CEP63: variants seen among roughly 807,000 people sequenced by gnomAD.
The protein encoded by CEP63 is centrosomal protein 63.
In CEP63, 84 loss-of-function variants were observed where a neutral mutation model predicts 89.1. The observed-to-expected ratio is 0.94, with a 90% CI of 0.79 to 1.13. CEP63 has a LOEUF of 1.13. CEP63 is among the 50% of genes most tolerant of loss of function. CEP63 has a pLI of 0.00. For missense variants in CEP63, 838 were observed against 813.3 expected, an observed-to-expected ratio of 1.03 and a Z score of -0.37; for synonymous variants, 267 against 272.5, an observed-to-expected ratio of 0.98 and a Z score of 0.20.
At chr3:134,589,024 G>T (rs1002220124), downstream of CEP63, among the ~76,000 whole-genome samples, 1 of 152,136 alleles carries the variant, frequency 6.6e-6, no homozygotes, top group Admixed American at 6.6e-5. Flanking sequence ...TAGAAAATCT[G>T]AAGAGTCATA....
At chr3:134,554,120 A>T (rs1196985387) in intron 12 of CEP63, among the ~76,000 whole-genome samples, 1 of 152,074 alleles carries the variant, frequency 6.6e-6, no homozygotes, top group Non-Finnish European at 1.5e-5. Context: ...TTTAGGGTAC[A>T]TGTGCACATT....
At position 134,584,964 on chromosome 3, in the gene CEP63, T is replaced by TGTTTTGTTTTG. The variant is rs755830444; in HGVS notation, c.1207-2494_1207-2493insGTTTTGTTTTG. Among the ~76,000 whole-genome samples the TGTTTTGTTTTG allele has an allele frequency of 5.9e-4, 80 of 135,640 alleles. 2 individuals are homozygous for TGTTTTGTTTTG. Among genetic ancestry groups the TGTTTTGTTTTG allele is most frequent in the South Asian group, 1.7e-3 (7 of 4,146 alleles). 89.0% of individuals were successfully genotyped at this position (135,640 alleles called of 152,430 possible). ...CTTCTAGATTTTCTAGGGTTTTTTT[T>TGTTTTGTTTTG]TTTTTTTTTTGCATGGAGGTGTTTA... On this transcript the variant is annotated intron_variant, in intron 10 of 10. Coordinates refer to the CEP63 transcript ENST00000683931.
At chr3:134,485,962 C>T (rs1202668245), upstream of CEP63, 9 of 979,356 alleles carry the variant, frequency 9.2e-6, no homozygotes, top group Non-Finnish European at 1.1e-5. Flanking sequence ...CGGCACCCGG[C>T]CACCGCGGCA....
At chr3:134,733,220 A>C in the CEP63 span, among the ~76,000 whole-genome samples, 1 of 152,230 alleles carries the variant, frequency 6.6e-6, no homozygotes, top group Non-Finnish European at 1.5e-5. Flanking sequence ...AGACTGAATA[A>C]TAATAAGTGC....
intron 12 of CEP63, chr3:134,553,048 C>T (rs1358984827): frequency 6.6e-6 from 1 of 152,158 alleles, no homozygotes; most frequent in Non-Finnish European, 1.5e-5. Context: ...AATGACTCAT[C>T]TATTCTGACC....
intron 6 of CEP63, among the ~76,000 whole-genome samples, chr3:134,542,420 C>G (rs1952228296): frequency 6.6e-6 from 1 of 152,148 alleles, no homozygotes. Context: ...ATAAGAGAAT[C>G]TTACTAGGAG....
At chr3:134,624,203 T>A in the CEP63 span, among the ~76,000 whole-genome samples, 1 of 152,038 alleles carries the variant, frequency 6.6e-6, no homozygotes, top group Non-Finnish European at 1.5e-5. Flanking sequence ...CCACACCCAC[T>A]GGTGTTAGAG....
intron 3 of CEP63, among the ~76,000 whole-genome samples, chr3:134,519,225 G>A (rs894125078): frequency 6.6e-6 from 1 of 151,978 alleles, no homozygotes; most frequent in African/African-American, 2.4e-5. Flanking sequence ...CTGGGTTCAA[G>A]CGATTCTCCT....
chr3:134,650,593 C>A, the CEP63 span, among the ~76,000 whole-genome samples: 6 of 152,316 alleles, frequency 3.9e-5, no homozygotes, highest in Non-Finnish European at 8.8e-5. Flanking sequence ...CACCCACAGG[C>A]CTGCACAGGG....
At chr3:134,596,895 T>C in the CEP63 span, among the ~76,000 whole-genome samples, 1 of 152,136 alleles carries the variant, frequency 6.6e-6, no homozygotes, top group African/African-American at 2.4e-5. Context: ...GTGGGAGGAC[T>C]AGGAAGGTCT....
At chr3:134,501,045 A>G (rs1454244808) in intron 2 of CEP63, among the ~76,000 whole-genome samples, 2 of 152,128 alleles carry the variant, frequency 1.3e-5, no homozygotes, top group African/African-American at 4.8e-5. Flanking sequence ...GTTGAGTTTC[A>G]TTCTTCATAC....
At chr3:134,607,441 T>C in the CEP63 span, 1 of 985,474 alleles carries the variant, frequency 1.0e-6, no homozygotes, top group African/African-American at 1.7e-5. Flanking sequence ...CCTGTGCTAA[T>C]AGTCAGTGTG....
intron 1 of CEP63, among the ~76,000 whole-genome samples, chr3:134,488,729 A>C (rs879647262): frequency 1.3e-5 from 2 of 152,266 alleles, no homozygotes; most frequent in Non-Finnish European, 2.9e-5. Flanking sequence ...ATTGTCTTCC[A>C]TGAAACAGGT....
intron 1 of CEP63, among the ~76,000 whole-genome samples, chr3:134,494,567 C>T (rs558849505): frequency 3.9e-5 from 6 of 152,156 alleles, no homozygotes; most frequent in East Asian, 3.9e-4. Flanking sequence ...TAATCTGCCA[C>T]GTGCCATGTT....
the CEP63 span, among the ~76,000 whole-genome samples, chr3:134,700,062 G>A: frequency 3.3e-5 from 5 of 152,264 alleles, no homozygotes; most frequent in Admixed American, 2.0e-4. Flanking sequence ...CTCCTTACAT[G>A]TTGTGCCCTT....
chr3:134,728,286 A>T, the CEP63 span, among the ~76,000 whole-genome samples: 13 of 152,274 alleles, frequency 8.5e-5, no homozygotes, highest in African/African-American at 3.1e-4. Context: ...TTGGAAGGCA[A>T]ATTGGAAATG....
At chr3:134,600,274 C>T in the CEP63 span, among the ~76,000 whole-genome samples, 1 of 152,300 alleles carries the variant, frequency 6.6e-6, no homozygotes, top group East Asian at 1.9e-4. Context: ...AACCTCAGAC[C>T]ACTGGGAAAA....
At chr3:134,629,033 G>A in the CEP63 span, among the ~76,000 whole-genome samples, 2 of 152,180 alleles carry the variant, frequency 1.3e-5, no homozygotes, top group African/African-American at 2.4e-5. Context: ...ACCATAAGGT[G>A]CACAGATGCA....
At chr3:134,643,505 GT>G in the CEP63 span, 1 of 696,516 alleles carries the variant, frequency 1.4e-6, no homozygotes, top group Non-Finnish European at 2.5e-6. Flanking sequence ...AGGCCTAAAT[GT>G]GTGCACACCC....
Sources: gnomAD v4.1 joint callset for allele counts (sites outside exome capture counted in the v4.1 genomes callset) on GRCh38, gnomAD v4.1.1 for gene constraint, MANE v1.5 for transcripts, NCBI Gene and HGNC (gene_info 2026-07-23, HGNC 2026-07-21) for gene names.